NDST4: variants seen among roughly 807,000 people sequenced by gnomAD.
NDST4 encodes the protein N-heparan sulfate sulfotransferase 4.
NDST4 carries 63 observed loss-of-function variants against 100.8 expected under a neutral mutation model. The ratio of observed to expected loss-of-function variants is 0.62; its 90% CI spans 0.51 to 0.77. NDST4 has a LOEUF of 0.77. Ranked by LOEUF, NDST4 falls within the 30% of genes least tolerant of loss-of-function variation. The pLI is 0.00. For missense variants in NDST4, 943 were observed against 1,018.4 expected (o/e 0.93, Z 1.01); for synonymous variants, 377 against 361.8 (o/e 1.04, Z -0.48).
chr4:115,046,145 C>A (rs1222913573), intron 2 of NDST4, among the ~76,000 whole-genome samples: 1 of 152,148 alleles, frequency 6.6e-6, no homozygotes. Flanking sequence ...TGAAGCAACT[C>A]ATTCCAGAGT....
intron 2 of NDST4, among the ~76,000 whole-genome samples, chr4:115,054,037 T>C (rs943045293): frequency 2.0e-5 from 3 of 152,066 alleles, no homozygotes; most frequent in Non-Finnish European, 4.4e-5. Context: ...TTTCTCTAAA[T>C]GATAATAGGT....
At chr4:114,972,753 T>A (rs1439573986) in intron 3 of NDST4, among the ~76,000 whole-genome samples, 1 of 151,956 alleles carries the variant, frequency 6.6e-6, no homozygotes, top group Non-Finnish European at 1.5e-5. Context: ...ATGCTTCCAT[T>A]CATTTTAAAC....
In NDST4 at chr4:115,029,789, A is replaced by G. The variant is rs116699411; in HGVS notation, c.978+46270T>C. ...CCAGTCATATTTAGCTACAGAGAGAACTATAGAGAAAATAGTGTTCCTAAG... is the reference window on the plus strand; with the variant it reads ...CCAGTCATATTTAGCTACAGAGAGAGCTATAGAGAAAATAGTGTTCCTAAG... On this transcript the variant is annotated intron_variant, in intron 2 of 13. Transcript: ENST00000264363. Among the ~76,000 whole-genome samples, 935 of 152,176 alleles carry G rather than the reference A, an allele frequency of 6.1e-3. 8 individuals are homozygous for G. The highest frequency in any genetic ancestry group is 0.021 in the African/African-American group (874 of 41,542).
chr4:115,031,053 C>G (rs1728104004), intron 2 of NDST4, among the ~76,000 whole-genome samples: 1 of 152,078 alleles, frequency 6.6e-6, no homozygotes. Flanking sequence ...CATAACTTTT[C>G]TGTTCATTGT....
In NDST4 at chr4:115,065,292, C is replaced by G. The variant is rs191986171; in HGVS notation, c.978+10767G>C. 3.9e-5 allele frequency among the ~76,000 whole-genome samples: 6 copies of G among 152,064 alleles called. No homozygotes were observed. The East Asian group carries it at 1.2e-3, about 30-fold the overall frequency. Reference sequence around the variant, plus strand: ...ATTGGGTTTCTTTACATTGGTGTTACAGATATATGGTATGAGGGTTGAAGA... The same window carrying G: ...ATTGGGTTTCTTTACATTGGTGTTAGAGATATATGGTATGAGGGTTGAAGA... On this transcript the variant is annotated intron_variant, in intron 2 of 13. Coordinates refer to ENST00000264363, the MANE Select transcript of NDST4 (RefSeq NM_022569.3).
At chr4:114,936,994 T>C (rs911562612) in intron 5 of NDST4, among the ~76,000 whole-genome samples, 2 of 152,116 alleles carry the variant, frequency 1.3e-5, no homozygotes, top group South Asian at 2.1e-4. Flanking sequence ...CCCAACCAAA[T>C]AGATAATGAG....
intron 7 of NDST4, among the ~76,000 whole-genome samples, chr4:114,870,513 C>T (rs779878507): frequency 5.3e-5 from 8 of 152,004 alleles, no homozygotes; most frequent in South Asian, 2.1e-4. Flanking sequence ...AACAATAAAA[C>T]AACATCTTCA....
intron 2 of NDST4, among the ~76,000 whole-genome samples, chr4:115,047,916 A>AT (rs1560579710): frequency 6.6e-6 from 1 of 151,790 alleles, no homozygotes. Flanking sequence ...ATAATATTTG[A>AT]TTTTTTTCAA....
chr4:115,104,899 C>T (rs1729806057), intron 1 of NDST4, among the ~76,000 whole-genome samples: 1 of 152,078 alleles, frequency 6.6e-6, no homozygotes, highest in South Asian at 2.1e-4. Context: ...CACATGTAAT[C>T]AAAACTTGAT....
At chr4:114,831,076 C>T (rs912375896) in intron 12 of NDST4, among the ~76,000 whole-genome samples, 8 of 151,066 alleles carry the variant, frequency 5.3e-5, no homozygotes, top group East Asian at 3.9e-4. Flanking sequence ...GACGGAGTCT[C>T]GCTCTGTCGC....
chr4:115,040,191 T>G (rs566596254), intron 2 of NDST4, among the ~76,000 whole-genome samples: 173 of 151,444 alleles, frequency 1.1e-3, no homozygotes, highest in African/African-American at 3.7e-3. Flanking sequence ...TTCCATGGTT[T>G]TTTAAGTTAA....
At chr4:114,963,409 T>C (rs1448894433) in intron 4 of NDST4, among the ~76,000 whole-genome samples, 2 of 149,530 alleles carry the variant, frequency 1.3e-5, no homozygotes, top group Non-Finnish European at 2.9e-5. Flanking sequence ...AGTAAATTAG[T>C]TATTTGCTTA....
chr4:115,021,981 C>T (rs1727839948), intron 2 of NDST4, among the ~76,000 whole-genome samples: 1 of 151,818 alleles, frequency 6.6e-6, no homozygotes. Flanking sequence ...TATATATGTT[C>T]CATATCTCTA....
intron 4 of NDST4, among the ~76,000 whole-genome samples, chr4:114,961,710 CAAAT>C (rs142959209): frequency 0.026 from 3,878 of 152,018 alleles, 104 homozygotes; most frequent in African/African-American, 0.062. Context: ...AAACTTCACA[CAAAT>C]AAAAGCAAGG....
At chr4:114,923,455 T>C in intron 6 of NDST4, among the ~76,000 whole-genome samples, 1 of 152,066 alleles carries the variant, frequency 6.6e-6, no homozygotes, top group East Asian at 1.9e-4. Flanking sequence ...GTAAAATAGA[T>C]AATAAAATCT....
At chr4:114,853,707 T>G (rs1435724633) in intron 7 of NDST4, among the ~76,000 whole-genome samples, 1 of 152,200 alleles carries the variant, frequency 6.6e-6, no homozygotes, top group Non-Finnish European at 1.5e-5. Flanking sequence ...AATTAAAACA[T>G]TCTATTTTTA....
At chr4:115,088,337 T>A (rs1264238248) in intron 1 of NDST4, among the ~76,000 whole-genome samples, 3 of 148,806 alleles carry the variant, frequency 2.0e-5, no homozygotes, top group African/African-American at 7.4e-5. Flanking sequence ...TTTTTTTGCC[T>A]CCACCTATTT....
At chr4:115,021,316 T>C (rs1257227511) in intron 2 of NDST4, among the ~76,000 whole-genome samples, 1 of 151,562 alleles carries the variant, frequency 6.6e-6, no homozygotes, top group African/African-American at 2.4e-5. Context: ...ATATTCCACA[T>C]ATACATATTC....
chr4:114,979,945 A>G (rs1726729171), intron 2 of NDST4, among the ~76,000 whole-genome samples: 1 of 152,316 alleles, frequency 6.6e-6, no homozygotes, highest in Middle Eastern at 3.4e-3. Flanking sequence ...TTTTCATGCC[A>G]TTCAGTTACA....
Sources: allele counts gnomAD v4.1 joint callset (sites outside exome capture counted in the v4.1 genomes callset), GRCh38; gene constraint gnomAD v4.1.1; transcripts MANE v1.5; gene names NCBI Gene and HGNC (gene_info 2026-07-23, HGNC 2026-07-21).